The following PRDM16 variants were observed in gnomAD, a reference collection of about 807,000 sequenced individuals.
PRDM16 encodes PR/SET domain 16.
Under a neutral mutation model 110.6 loss-of-function variants are expected in PRDM16, and 23 were observed. That is an observed-to-expected ratio of 0.21 (90% CI 0.15 to 0.29). The LOEUF is 0.29. Among genes scored for constraint, PRDM16 ranks in the 10% least tolerant of loss-of-function variants. The pLI, the probability that PRDM16 is intolerant of heterozygous loss-of-function variation, is 1.00. For missense variants in PRDM16, 1,615 were observed against 1,794.3 expected (o/e 0.90, Z 1.81); for synonymous variants, 799 against 781.8 (o/e 1.02, Z -0.37).
Position 3,190,103 on chromosome 1 carries a change from C to T in PRDM16, c.387+3629C>T, listed in dbSNP as rs1375493629. 6.6e-6 allele frequency among the ~76,000 whole-genome samples: 1 copy of T among 152,050 alleles called. No homozygotes were observed. The highest frequency in any genetic ancestry group is 1.5e-5 in the Non-Finnish European group (1 of 68,020). Reference sequence around the variant, plus strand: ...GCCGATGTAGATGACAGCATGACTCCCTGGGGATGAGAGATGGGGCGGGCA... The same window carrying T: ...GCCGATGTAGATGACAGCATGACTCTCTGGGGATGAGAGATGGGGCGGGCA... On this transcript the variant is annotated intron_variant, in intron 2 of 16. Coordinates refer to ENST00000270722, the MANE Select transcript of PRDM16 (RefSeq NM_022114.4). This position sits in a 1 kb window ranked among gnomAD's most constrained non-coding sequence, Gnocchi z 5.0.
intron 3 of PRDM16, among the ~76,000 whole-genome samples, chr1:3,364,790 C>T (rs1055159004): frequency 3.9e-5 from 6 of 152,226 alleles, no homozygotes; most frequent in Non-Finnish European, 7.3e-5. Flanking sequence ...AACATGGGCC[C>T]GCGCAGCCTC....
chr1:3,139,047 A>C (rs1197465624), intron 1 of PRDM16, among the ~76,000 whole-genome samples: 1 of 152,152 alleles, frequency 6.6e-6, no homozygotes, highest in Non-Finnish European at 1.5e-5. Flanking sequence ...GAGAGGCTTC[A>C]GTGGGGGCTT....
chr1:3,257,768 C>T (rs1640082569), intron 3 of PRDM16, among the ~76,000 whole-genome samples: 2 of 152,190 alleles, frequency 1.3e-5, no homozygotes, highest in Non-Finnish European at 2.9e-5. Context: ...AATAGTGCTG[C>T]CAGGATACAA....
chr1:3,349,226 C>G (rs558874095), intron 3 of PRDM16, among the ~76,000 whole-genome samples: 2 of 152,306 alleles, frequency 1.3e-5, no homozygotes, highest in South Asian at 2.1e-4. Flanking sequence ...TGGGCCTGCT[C>G]TCTGGCTCCC....
chr1:3,369,008 A>C (rs1237701770), intron 3 of PRDM16, among the ~76,000 whole-genome samples: 4 of 152,232 alleles, frequency 2.6e-5, no homozygotes, highest in African/African-American at 9.6e-5. Context: ...GCTTGTGATT[A>C]GATTTTTAAT....
At chr1:3,252,704 T>A (rs760789338) in intron 3 of PRDM16, among the ~76,000 whole-genome samples, 28 of 151,892 alleles carry the variant, frequency 1.8e-4, no homozygotes, top group Non-Finnish European at 3.7e-4. Flanking sequence ...TGAGACTACT[T>A]CTCTGGTGGG....
At chr1:3,229,726 T>C (rs1243627786) in intron 2 of PRDM16, among the ~76,000 whole-genome samples, 2 of 152,052 alleles carry the variant, frequency 1.3e-5, no homozygotes, top group African/African-American at 4.8e-5. Context: ...TTTCTTCTTA[T>C]CTTAGGGCTA....
intron 1 of PRDM16, among the ~76,000 whole-genome samples, chr1:3,096,922 C>T (rs1001615403): frequency 6.6e-5 from 10 of 152,316 alleles, no homozygotes; most frequent in Middle Eastern, 3.4e-3. Context: ...TAGGTGATTT[C>T]GTGCCCATTT....
chr1:3,234,217 C>T (rs1052613334), intron 2 of PRDM16, among the ~76,000 whole-genome samples: 14 of 152,186 alleles, frequency 9.2e-5, no homozygotes, highest in South Asian at 4.1e-4. Flanking sequence ...CCTTCCTCTG[C>T]GGTAGCTTTG....
intron 1 of PRDM16, among the ~76,000 whole-genome samples, chr1:3,180,932 C>T (rs868416991): frequency 8.1e-5 from 11 of 135,744 alleles, no homozygotes; most frequent in African/African-American, 2.0e-4. Flanking sequence ...ACACACGCAG[C>T]CACACACGCA....
chr1:3,265,788 C>T lies in PRDM16; in HGVS notation c.438+21651C>T, dbSNP rs1054902631. On this transcript the variant is annotated intron_variant, in intron 3 of 16. Coordinates refer to ENST00000270722, the MANE Select transcript of PRDM16 (RefSeq NM_022114.4). The surrounding 1 kb of genome is among the most constrained non-coding windows in gnomAD (Gnocchi z 4.5). Reference sequence around the variant, plus strand: ...TCCAGCTGGCACCTCACGCTCTGTCCTCACCGCCCAGACCCTAGGAGCCCC... The same window carrying T: ...TCCAGCTGGCACCTCACGCTCTGTCTTCACCGCCCAGACCCTAGGAGCCCC... Among the ~76,000 whole-genome samples, 2 of 152,146 alleles carry T rather than the reference C, an allele frequency of 1.3e-5. No homozygotes were observed. The highest frequency in any genetic ancestry group is 6.5e-5 in the Admixed American group (1 of 15,288).
intron 1 of PRDM16, among the ~76,000 whole-genome samples, chr1:3,170,063 T>C (rs1184802132): frequency 6.6e-6 from 1 of 151,434 alleles, no homozygotes; most frequent in Non-Finnish European, 1.5e-5. Flanking sequence ...ATGAATTTTT[T>C]TTTTCTTTCT....
chr1:3,302,159 G>A (rs1641220432), intron 3 of PRDM16, among the ~76,000 whole-genome samples: 1 of 152,056 alleles, frequency 6.6e-6, no homozygotes, highest in African/African-American at 2.4e-5. Flanking sequence ...TTCATCTACT[G>A]GTCAATAAAC....
At chr1:3,313,038 C>T (rs1396753221) in intron 3 of PRDM16, among the ~76,000 whole-genome samples, 2 of 152,236 alleles carry the variant, frequency 1.3e-5, no homozygotes, top group Non-Finnish European at 2.9e-5. Flanking sequence ...GGCGTTCACA[C>T]GTGGTGTACA....
At chr1:3,392,487 G>T (rs1643315719) in intron 4 of PRDM16, among the ~76,000 whole-genome samples, 1 of 152,192 alleles carries the variant, frequency 6.6e-6, no homozygotes, top group Non-Finnish European at 1.5e-5. Context: ...GCAGTCCGGT[G>T]ATTCCCACCT....
chr1:3,418,704 A>G lies in PRDM16; in HGVS notation c.2899A>G (p.Thr967Ala). ...GATCTTCCCCAGATCAGCCAATCTC[A>G]CCAGACACCTGAGGACGCACACTGG... ...GKIFPRSANL[T>A]RHLRTHTGEQ... The change falls in exon 12 of 17, where the codon ACC (threonine) becomes GCC (alanine). Residue 967 changes from threonine to alanine, a missense_variant. Transcript: ENST00000270722. 6.2e-7 allele frequency: 1 copy of G among 1,613,160 alleles called. No homozygotes were observed. Among genetic ancestry groups the G allele is most frequent in the Non-Finnish European group, 8.5e-7 (1 of 1,179,710 alleles).
intron 3 of PRDM16, among the ~76,000 whole-genome samples, chr1:3,327,545 C>G (rs1641942832): frequency 2.6e-5 from 4 of 152,264 alleles, no homozygotes; most frequent in Non-Finnish European, 5.9e-5. Context: ...TTATTTGACC[C>G]CAGCACTGAT....
At chr1:3,332,469 G>C (rs1450386202) in intron 3 of PRDM16, among the ~76,000 whole-genome samples, 2 of 152,202 alleles carry the variant, frequency 1.3e-5, no homozygotes, top group Admixed American at 1.3e-4. Flanking sequence ...CCCCCCCTCG[G>C]TTCGGTTTGG....
At chr1:3,224,447 C>G (rs970677579) in intron 2 of PRDM16, among the ~76,000 whole-genome samples, 1 of 152,158 alleles carries the variant, frequency 6.6e-6, no homozygotes, top group Non-Finnish European at 1.5e-5. Context: ...TTGCCACTCT[C>G]TCTCCCTCTC....
Sources: allele counts gnomAD v4.1 joint callset (sites outside exome capture counted in the v4.1 genomes callset), GRCh38; gene constraint gnomAD v4.1.1; non-coding constraint Gnocchi (gnomAD v3.1); transcripts MANE v1.5; gene names NCBI Gene and HGNC (gene_info 2026-07-23, HGNC 2026-07-21).